ATP1A3: variants seen among roughly 807,000 people sequenced by gnomAD.
ATP1A3 encodes the protein ATPase Na+/K+ transporting subunit alpha 3.
In ATP1A3, 12 loss-of-function variants were observed where a neutral mutation model predicts 108.8. That is an observed-to-expected ratio of 0.11 (90% CI 0.07 to 0.18). ATP1A3 has a LOEUF of 0.18. Ranked by LOEUF, ATP1A3 falls within the 10% of genes least tolerant of loss-of-function variation. The pLI, the probability that ATP1A3 is intolerant of heterozygous loss-of-function variation, is 1.00. For missense variants in ATP1A3, 498 were observed against 1,387.7 expected (o/e 0.36, Z 10.19); for synonymous variants, 539 against 564.5 (o/e 0.95, Z 0.64).
Position 41,981,578 on chromosome 19 carries a change from G to C in ATP1A3, c.1361C>G (p.Ser454Cys). Residue 454 changes from serine (S) to cysteine (C), a missense_variant, in exon 11 of 23, where the codon TCT (serine) becomes TGT (cysteine). Physicochemically the swap from Ser to Cys is moderately radical, Grantham distance 112. Around this residue, in one of 9 missense-constraint regions of ATP1A3, gnomAD observed 92 missense variants for 168.7 expected, o/e 0.55. Coordinates refer to ENST00000648268, the MANE Select transcript of ATP1A3 (RefSeq NM_152296.5). The surrounding 1 kb of genome is among the most constrained non-coding windows in gnomAD (Gnocchi z 5.0). ...SALLKCIELSSGSVKLMRERN... is the reference protein window; with the variant it reads ...SALLKCIELSCGSVKLMRERN... ...TTCACGCATCAGCTTCACGGAGCCAGAGGACAGCTCGATGCACTTGAGCAG... is the reference window on the plus strand; with the variant it reads ...TTCACGCATCAGCTTCACGGAGCCACAGGACAGCTCGATGCACTTGAGCAG... The C allele has an allele frequency of 1.2e-6, 2 of 1,614,214 alleles. No homozygotes were observed. Among genetic ancestry groups the C allele is most frequent in the Non-Finnish European group, 1.7e-6 (2 of 1,180,058 alleles).
chr19:41,993,553 C>A (rs1227995104), intron 1 of ATP1A3: 3 of 1,209,850 alleles, frequency 2.5e-6, no homozygotes, highest in East Asian at 2.6e-5. Flanking sequence ...ACACACACTG[C>A]GGAGTCCCCC....
At chr19:41,976,264 C>A in intron 15 of ATP1A3, 152 bp downstream of exon 15, 2 of 1,111,214 alleles carry the variant, frequency 1.8e-6, no homozygotes, top group Non-Finnish European at 2.6e-6. Context: ...TCCCTCAGAC[C>A]CAGGAGTCCA....
In ATP1A3 at chr19:41,967,137, G is replaced by C. The variant is rs1253334069; in HGVS notation, c.3013+112C>G. 2.0e-5 allele frequency: 31 copies of C among 1,571,912 alleles called. No individual in the cohort carries two copies. Among genetic ancestry groups the C allele is most frequent in the Non-Finnish European group, 2.7e-5 (31 of 1,158,810 alleles). On this transcript the variant is annotated intron_variant, in intron 22 of 22. Coordinates refer to ENST00000648268, the MANE Select transcript of ATP1A3 (RefSeq NM_152296.5). The surrounding 1 kb of genome is among the most constrained non-coding windows in gnomAD (Gnocchi z 4.2). ...CCCGGAGAGATGGGAAGAGAGAGAAGAGTGGGAACCAGGTGGCAGAGCCAT... is the reference window on the plus strand; with the variant it reads ...CCCGGAGAGATGGGAAGAGAGAGAACAGTGGGAACCAGGTGGCAGAGCCAT...
chr19:41,970,297 G>A lies in ATP1A3; in HGVS notation c.2430C>T (p.Ile810=). Reference sequence around the variant, plus strand: ...TTTCGGCAGCCTCGTACGCCAGTGAGATGGCAGGGACCTAGGCGGAGGAGG... The same window carrying A: ...TTTCGGCAGCCTCGTACGCCAGTGAAATGGCAGGGACCTAGGCGGAGGAGG... ...IDLGTDMVPA[I]SLAYEAAESD... is the part of the protein sequence containing the mutation. Residue 810 remains isoleucine, a synonymous_variant, in exon 18 of 23, where the codon ATC becomes ATT. Transcript: ENST00000648268. 6.2e-7 allele frequency: 1 copy of A among 1,614,122 alleles called. No individual in the cohort carries two copies. Among genetic ancestry groups the A allele is most frequent in the Non-Finnish European group, 8.5e-7 (1 of 1,180,034 alleles).
Position 41,994,155 on chromosome 19 carries a change from G to A in ATP1A3, c.-79C>T. On this transcript the variant is annotated 5_prime_UTR_variant, in exon 1 of 23. Coordinates refer to ENST00000648268, the MANE Select transcript of ATP1A3 (RefSeq NM_152296.5). Reference sequence around the variant, plus strand: ...GGGCTCAGGCTCAGGCTTGGGCTGGGAGCCTCTGCAGCGCCCGCGCCTCGG... The same window carrying A: ...GGGCTCAGGCTCAGGCTTGGGCTGGAAGCCTCTGCAGCGCCCGCGCCTCGG... 1 of 1,427,930 alleles carries A rather than the reference G, an allele frequency of 7.0e-7. No homozygotes were observed. The highest frequency in any genetic ancestry group is 1.5e-5 in the African/African-American group (1 of 67,460). The allele number at this position is 1,427,930 out of a possible 1,614,324, so 88.5% of individuals were successfully genotyped here. A position where few individuals can be genotyped will look rare whatever the true frequency, so the allele number is the denominator to read the frequency against.
chr19:41,967,565 A>C lies in ATP1A3; in HGVS notation c.2921+97T>G, dbSNP rs1320428816. ...TCAGAATGGGGACTGCAGTGGGGAC[A>C]CCAGGGGAGGTGGGGCCTGAGGTTC... On this transcript the variant is annotated intron_variant, in intron 21 of 22. Transcript: ENST00000648268. This position sits in a 1 kb window ranked among gnomAD's most constrained non-coding sequence, Gnocchi z 4.2. 1 of 1,344,168 alleles carries C rather than the reference A, an allele frequency of 7.4e-7. No individual in the cohort carries two copies. Among genetic ancestry groups the C allele is most frequent in the East Asian group, 2.4e-5 (1 of 40,992 alleles). The allele number at this position is 1,344,168 out of a possible 1,614,324, so 83.3% of individuals were successfully genotyped here. A position where few individuals can be genotyped will look rare whatever the true frequency, so the allele number is the denominator to read the frequency against.
In ATP1A3 at chr19:41,981,506, T is replaced by C. The variant is rs1177257433; in HGVS notation, c.1433A>G (p.Tyr478Cys). The C allele has an allele frequency of 6.2e-7, 1 of 1,613,892 alleles. No homozygotes were observed. Among genetic ancestry groups the C allele is most frequent in the Non-Finnish European group, 8.5e-7 (1 of 1,180,006 alleles). ...AEIPFNSTNK[Y>C]QLSIHETEDP... Reference sequence around the variant, plus strand: ...CTCCCGGAAAGCCCAGAGTACCTGGTATTTGTTGGTGGAATTGAAGGGAAT... The same window carrying C: ...CTCCCGGAAAGCCCAGAGTACCTGGCATTTGTTGGTGGAATTGAAGGGAAT... Residue 478 changes from tyrosine (Y) to cysteine (C), a missense_variant, in exon 11 of 23, where the codon TAC (tyrosine) becomes TGC (cysteine). Physicochemically the swap from Tyr to Cys is radical, Grantham distance 194. Transcript: ENST00000648268. This position sits in a 1 kb window ranked among gnomAD's most constrained non-coding sequence, Gnocchi z 5.0.
At chr19:41,969,604 G>A (rs782043181) in intron 18 of ATP1A3, 24 bp from the exon 19 acceptor site, 33 of 1,612,712 alleles carry the variant, frequency 2.0e-5, no homozygotes, top group African/African-American at 2.7e-5. Flanking sequence ...AGAGGAAGCC[G>A]AGGAGAGGCT....
rs1555862164 is a variant in ATP1A3, at chr19:41,978,314, T to A, written c.1643A>T (p.Tyr548Phe). The A allele has an allele frequency of 6.2e-7, 1 of 1,603,386 alleles. No individual in the cohort carries two copies. Among genetic ancestry groups the A allele is most frequent in the East Asian group, 2.2e-5 (1 of 44,538 alleles). ...GGGGAACTGCTCCTCGGGCAGGTAA[T>A]AATGGCAGAAACCTAGTGGCAGGGA... ...LGERVLGFCH[Y>F]YLPEEQFPKG... Residue 548 changes from tyrosine to phenylalanine, a missense_variant, in exon 13 of 23, where the codon TAT becomes TTT. This residue lies in a region of ATP1A3 where 92 missense variants were observed against 168.7 expected (regional missense o/e 0.55). Coordinates refer to ENST00000648268, the MANE Select transcript of ATP1A3 (RefSeq NM_152296.5). This position sits in a 1 kb window ranked among gnomAD's most constrained non-coding sequence, Gnocchi z 8.3.
chr19:41,993,873 C>A, intron 1 of ATP1A3, 198 bp downstream of exon 1: 2 of 987,844 alleles, frequency 2.0e-6, no homozygotes, highest in Non-Finnish European at 2.9e-6. Flanking sequence ...CAAAGCCATG[C>A]CAACGTGCGC....
chr19:41,969,257 A>G (rs782390217), intron 19 of ATP1A3, among the ~76,000 whole-genome samples, 178 bp downstream of exon 19: 35 of 152,234 alleles, frequency 2.3e-4, no homozygotes, highest in South Asian at 4.2e-4. Flanking sequence ...GCAGTGGGAC[A>G]CAAGGCTCCA....
At chr19:41,993,387 C>T (rs1555868030) in intron 1 of ATP1A3, 2 of 1,535,772 alleles carry the variant, frequency 1.3e-6, no homozygotes, top group Admixed American at 3.9e-5. Flanking sequence ...CACTCAGTCT[C>T]CCCACCGTGG....
chr19:41,976,907 T>C (rs1555861532), intron 14 of ATP1A3, among the ~76,000 whole-genome samples: 1 of 151,800 alleles, frequency 6.6e-6, no homozygotes, highest in Non-Finnish European at 1.5e-5. Flanking sequence ...TGGGTTCAAG[T>C]GATTTTCCTG....
Position 41,981,385 on chromosome 19 carries a change from G to T in ATP1A3, c.1437+117C>A. On this transcript the variant is annotated intron_variant, in intron 11 of 22. Coordinates refer to ENST00000648268, the MANE Select transcript of ATP1A3 (RefSeq NM_152296.5). This position sits in a 1 kb window ranked among gnomAD's most constrained non-coding sequence, Gnocchi z 5.0. ...GCTCTCCCTGTTCCTCTCCCCACCAGGCGGGTATTATCATTCCCATTTTAC... is the reference window on the plus strand; with the variant it reads ...GCTCTCCCTGTTCCTCTCCCCACCATGCGGGTATTATCATTCCCATTTTAC... The T allele has an allele frequency of 6.7e-7, 1 of 1,485,472 alleles. No individual in the cohort carries two copies. The highest frequency in any genetic ancestry group is 9.3e-7 in the Non-Finnish European group (1 of 1,069,786). 92.0% of individuals were successfully genotyped at this position (1,485,472 alleles called of 1,614,324 possible). A position where few individuals can be genotyped will look rare whatever the true frequency, so the allele number is the denominator to read the frequency against.
rs1330757201 is a variant in ATP1A3, at chr19:41,968,741, C to T, written c.2819+44G>A. 1 of 1,612,296 alleles carries T rather than the reference C, an allele frequency of 6.2e-7. No homozygotes were observed. Among genetic ancestry groups the T allele is most frequent in the East Asian group, 2.2e-5 (1 of 44,818 alleles). On this transcript the variant is annotated intron_variant, in intron 20 of 22. Coordinates refer to ENST00000648268, the MANE Select transcript of ATP1A3 (RefSeq NM_152296.5). This position sits in a 1 kb window ranked among gnomAD's most constrained non-coding sequence, Gnocchi z 5.0. ...GTACACAGACAGACAGACACTCGGA[C>T]AGGACAGATGGCTGTCCAGTCACCA...
intron 1 of ATP1A3, among the ~76,000 whole-genome samples, chr19:41,991,815 C>T (rs1290905471): frequency 6.7e-6 from 1 of 148,208 alleles, no homozygotes; most frequent in Non-Finnish European, 1.5e-5. Context: ...AGCCTGGAAT[C>T]CTGGGTCTGA....
intron 18 of ATP1A3, 30 bp downstream of exon 18, chr19:41,970,155 G>A: frequency 6.2e-7 from 1 of 1,614,208 alleles, no homozygotes; most frequent in Non-Finnish European, 8.5e-7. Context: ...GGCACTGGGT[G>A]GTAAGGAGAT....
At chr19:41,976,709 G>A in intron 14 of ATP1A3, 143 bp from the exon 15 acceptor site, 1 of 1,197,268 alleles carries the variant, frequency 8.4e-7, no homozygotes, top group South Asian at 1.3e-5. Flanking sequence ...AGGCCTCTGG[G>A]AGAAGCAGGG....
rs2288508 is a variant in ATP1A3 at position 41,967,414 on chromosome 19, A to T, written c.2922-74T>A. The T allele has an allele frequency of 6.6e-7, 1 of 1,504,320 alleles. No individual in the cohort carries two copies. Among genetic ancestry groups the T allele is most frequent in the East Asian group, 2.3e-5 (1 of 43,426 alleles). The allele number at this position is 1,504,320 out of a possible 1,614,324, so 93.2% of individuals were successfully genotyped here. ...GCAGAGTTTCAGGGGACTGGAGGGGACGCAGAGGGGCAGTCTCCCAGGATC... is the reference window on the plus strand; with the variant it reads ...GCAGAGTTTCAGGGGACTGGAGGGGTCGCAGAGGGGCAGTCTCCCAGGATC... On this transcript the variant is annotated intron_variant, in intron 21 of 22. Coordinates refer to ENST00000648268, the MANE Select transcript of ATP1A3 (RefSeq NM_152296.5). The surrounding 1 kb of genome is among the most constrained non-coding windows in gnomAD (Gnocchi z 4.2).
Sources: allele counts gnomAD v4.1 joint callset (sites outside exome capture counted in the v4.1 genomes callset), GRCh38; gene constraint gnomAD v4.1.1; regional missense constraint gnomAD v4.1.1; non-coding constraint Gnocchi (gnomAD v3.1); transcripts MANE v1.5; gene names NCBI Gene and HGNC (gene_info 2026-07-23, HGNC 2026-07-21).